The following HPSE2 variants were observed in gnomAD, a reference collection of about 807,000 sequenced individuals.
HPSE2 encodes inactive heparanase-2.
HPSE2 carries 38 observed loss-of-function variants against 60.5 expected under a neutral mutation model. The ratio of observed to expected loss-of-function variants is 0.63; its 90% CI spans 0.48 to 0.82. HPSE2 has a LOEUF of 0.82. Among genes scored for constraint, HPSE2 ranks in the 40% least tolerant of loss-of-function variants. HPSE2 has a pLI of 0.00. For synonymous variants in HPSE2, 295 were observed against 293.2 expected, an observed-to-expected ratio of 1.01 and a Z score of -0.06; for missense variants, 713 against 740.4, an observed-to-expected ratio of 0.96 and a Z score of 0.43.
intron 3 of HPSE2, among the ~76,000 whole-genome samples, chr10:98,840,228 G>T (rs752489031): frequency 1.1e-4 from 16 of 152,162 alleles, no homozygotes; most frequent in Non-Finnish European, 1.6e-4. Context: ...TAGTTCAGCT[G>T]GGCGGGATTA....
intron 3 of HPSE2, among the ~76,000 whole-genome samples, chr10:98,749,332 C>T (rs1013342084): frequency 6.6e-6 from 1 of 151,688 alleles, no homozygotes; most frequent in Admixed American, 6.6e-5. Flanking sequence ...CTATTATACA[C>T]CATATATATC....
At chr10:99,040,093 G>A (rs4385818) in intron 3 of HPSE2, among the ~76,000 whole-genome samples, 76,741 of 151,936 alleles carry the variant, frequency 0.51, 21,769 homozygotes, top group East Asian at 0.63. Flanking sequence ...GACCTTCATA[G>A]GTACAGTTTT....
chr10:98,942,688 C>G (rs1955047765), intron 3 of HPSE2, among the ~76,000 whole-genome samples: 1 of 152,114 alleles, frequency 6.6e-6, no homozygotes, highest in Non-Finnish European at 1.5e-5. Flanking sequence ...CCTCAGGGAT[C>G]TGGAACTAGA....
chr10:99,151,817 G>A (rs996876198), intron 2 of HPSE2, among the ~76,000 whole-genome samples: 1 of 152,164 alleles, frequency 6.6e-6, no homozygotes, highest in African/African-American at 2.4e-5. Context: ...TCAGGAAGCT[G>A]AAACAGGAGG....
At position 99,081,581 on chromosome 10, in the gene HPSE2, AGATGAT is replaced by A. The variant is rs34159388; in HGVS notation, c.610+62651_610+62656del. Among the ~76,000 whole-genome samples the A allele has an allele frequency of 8.0e-3, 1,179 of 147,392 alleles. 8 individuals are homozygous for A. The highest frequency in any genetic ancestry group is 0.021 in the Middle Eastern group (6 of 290). On this transcript the variant is annotated intron_variant, in intron 3 of 11. Coordinates refer to ENST00000370552, the MANE Select transcript of HPSE2 (RefSeq NM_021828.5). ...TAGAGTGCTATTCTACTACTACTAA[AGATGAT>A]GATGATGATGATGATGATGATGATG... is the stretch of plus-strand genomic sequence containing the variant.
At chr10:99,270,272 G>A in the HPSE2 span, among the ~76,000 whole-genome samples, 244 of 152,190 alleles carry the variant, frequency 1.6e-3, no homozygotes, top group Non-Finnish European at 2.3e-3. Context: ...AAATAAGCTC[G>A]ATTAGAAATG....
At chr10:98,924,938 C>T (rs1418255) in intron 3 of HPSE2, among the ~76,000 whole-genome samples, 23,325 of 152,154 alleles carry the variant, frequency 0.15, 2,699 homozygotes, top group African/African-American at 0.32. Flanking sequence ...GGTCCAGATG[C>T]TCCCATTGTG....
intron 3 of HPSE2, among the ~76,000 whole-genome samples, chr10:99,046,817 T>G (rs1475579881): frequency 6.6e-6 from 1 of 151,452 alleles, no homozygotes; most frequent in Non-Finnish European, 1.5e-5. Context: ...ACTGCTGAAA[T>G]AAATCAAATA....
chr10:98,644,725 T>C (rs914722404), intron 6 of HPSE2, among the ~76,000 whole-genome samples: 1 of 152,206 alleles, frequency 6.6e-6, no homozygotes, highest in Non-Finnish European at 1.5e-5. Flanking sequence ...TGTTACTTCC[T>C]CTCAATGGCT....
chr10:99,034,158 C>T (rs765119715), intron 3 of HPSE2, among the ~76,000 whole-genome samples: 2 of 152,066 alleles, frequency 1.3e-5, no homozygotes, highest in Admixed American at 6.5e-5. Context: ...TTAAAAGGAA[C>T]AAACTATGAT....
At chr10:99,269,034 C>T in the HPSE2 span, among the ~76,000 whole-genome samples, 1 of 152,054 alleles carries the variant, frequency 6.6e-6, no homozygotes, top group Non-Finnish European at 1.5e-5. Flanking sequence ...TGGCAGGTAC[C>T]TGCAATCCCA....
intron 8 of HPSE2, among the ~76,000 whole-genome samples, chr10:98,619,668 C>G (rs576926748): frequency 6.6e-6 from 1 of 152,210 alleles, no homozygotes; most frequent in African/African-American, 2.4e-5. Flanking sequence ...TAGTCATTCT[C>G]TGCTCCTCTG....
chr10:98,550,909 G>A (rs1253519343), intron 9 of HPSE2, among the ~76,000 whole-genome samples: 3 of 152,084 alleles, frequency 2.0e-5, no homozygotes, highest in Admixed American at 6.5e-5. Flanking sequence ...GAACTTGGCC[G>A]GGACTAGTTT....
chr10:98,789,277 A>G (rs1029722845), intron 3 of HPSE2, among the ~76,000 whole-genome samples: 3 of 152,230 alleles, frequency 2.0e-5, no homozygotes, highest in Admixed American at 6.5e-5. Flanking sequence ...TGCTAGTATG[A>G]GAGATCCAGA....
chr10:98,941,427 TA>T (rs1954997078), intron 3 of HPSE2, among the ~76,000 whole-genome samples: 1 of 137,074 alleles, frequency 7.3e-6, no homozygotes, highest in Admixed American at 7.4e-5. Flanking sequence ...CAAGCGTTCT[TA>T]TACACCAATA....
chr10:99,132,212 AG>A (rs1564833051), intron 3 of HPSE2, among the ~76,000 whole-genome samples: 15 of 25,602 alleles, frequency 5.9e-4, no homozygotes, highest in South Asian at 2.8e-3. Context: ...AGAGAGAGAG[AG>A]AGAGAGAGAG....
chr10:99,091,789 G>A (rs997398934), intron 3 of HPSE2, among the ~76,000 whole-genome samples: 15 of 152,048 alleles, frequency 9.9e-5, no homozygotes, highest in Non-Finnish European at 2.2e-4. Flanking sequence ...TAGTTCTGCC[G>A]TATCATTTTT....
chr10:98,550,473 T>C (rs910895616), intron 9 of HPSE2, among the ~76,000 whole-genome samples: 1 of 81,216 alleles, frequency 1.2e-5, no homozygotes, highest in Non-Finnish European at 2.1e-5. Flanking sequence ...CTTTCTTAAA[T>C]TTTTTTTTTT....
the HPSE2 span, among the ~76,000 whole-genome samples, chr10:99,241,216 TA>T: frequency 1.3e-5 from 2 of 152,336 alleles, no homozygotes; most frequent in South Asian, 4.2e-4. Context: ...GTGGCTAAAG[TA>T]TTGTATAACC....
Sources: gnomAD v4.1 joint callset for allele counts (sites outside exome capture counted in the v4.1 genomes callset) on GRCh38, gnomAD v4.1.1 for gene constraint, MANE v1.5 for transcripts, NCBI Gene and HGNC (gene_info 2026-07-23, HGNC 2026-07-21) for gene names.